Variants in PCDHGA5 observed in about 807,000 individuals in gnomAD.
PCDHGA5 encodes the protein protocadherin gamma subfamily A, 5, also known as protocadherin gamma-A5.
PCDHGA5 carries 36 observed loss-of-function variants against 56.7 expected under a neutral mutation model. The observed-to-expected ratio is 0.64, with a 90% CI of 0.49 to 0.84. The LOEUF is 0.84. Ranked by LOEUF, PCDHGA5 falls within the 40% of genes least tolerant of loss-of-function variation. The probability of loss-of-function intolerance (pLI) is 0.00; values close to 1 mark genes in which losing one functional copy is unlikely to be tolerated. For synonymous variants in PCDHGA5, 563 were observed against 520.2 expected (o/e 1.08, Z -1.12); for missense variants, 1,305 against 1,201.5 (o/e 1.09, Z -1.27).
rs1342517284 is a variant in PCDHGA5 at position 141,383,674 on chromosome 5, A to G, written c.2421+16923A>G. ...TGTCCCCGAGAATGTGCCAGTGGGT[A>G]CAAGACTGCTCACGGTACATGCTAT... On this transcript the variant is annotated intron_variant, in intron 1 of 3. Coordinates refer to ENST00000518069, the MANE Select transcript of PCDHGA5 (RefSeq NM_018918.3). 9.3e-6 allele frequency: 15 copies of G among 1,614,034 alleles called. No individual in the cohort carries two copies. The East Asian group carries it at 3.3e-4, about 36-fold the overall frequency.
At chr5:141,503,309 A>G (rs2099819130) in intron 2 of PCDHGA5, among the ~76,000 whole-genome samples, 1 of 152,034 alleles carries the variant, frequency 6.6e-6, no homozygotes, top group Non-Finnish European at 1.5e-5. Flanking sequence ...TCAAGAAAGA[A>G]TTGTTGGAGG....
intron 1 of PCDHGA5, chr5:141,374,760 C>T (rs1255992375): frequency 6.2e-7 from 1 of 1,613,440 alleles, no homozygotes; most frequent in South Asian, 1.1e-5. Context: ...TCAAGCGTCG[C>T]CCAAATTCTG....
chr5:141,483,257 T>G, intron 1 of PCDHGA5, among the ~76,000 whole-genome samples: 1 of 137,924 alleles, frequency 7.3e-6, no homozygotes, highest in East Asian at 1.9e-4. Flanking sequence ...ATCATGAGGT[T>G]TTTTTGTTTT....
chr5:141,407,959 G>T, intron 1 of PCDHGA5: 1 of 668,062 alleles, frequency 1.5e-6, no homozygotes, highest in South Asian at 2.3e-5. Flanking sequence ...CCAGTGCAGA[G>T]CAAGCGCTGA....
chr5:141,370,997 C>T, intron 1 of PCDHGA5: 5 of 1,613,984 alleles, frequency 3.1e-6, no homozygotes, highest in Non-Finnish European at 4.2e-6. Context: ...CACCCCTGGA[C>T]AGGGAAGAGC....
chr5:141,410,837 TTTTGTC>T, intron 1 of PCDHGA5: 3 of 501,732 alleles, frequency 6.0e-6, no homozygotes. Context: ...ACTGAAGATA[TTTTGTC>T]TTTGTCTTTT....
rs148433768 is a variant in PCDHGA5 at position 141,385,635 on chromosome 5, C to T, written c.2421+18884C>T. 5.7e-6 allele frequency: 5 copies of T among 870,078 alleles called. No homozygotes were observed. The African/African-American group carries it at 8.9e-5, about 15-fold the overall frequency. 53.9% of individuals were successfully genotyped at this position (870,078 alleles called of 1,614,324 possible). A position where few individuals can be genotyped will look rare whatever the true frequency, so the allele number is the denominator to read the frequency against. On this transcript the variant is annotated intron_variant, in intron 1 of 3. Transcript: ENST00000518069. ...TTTTATACATTGGAATGAATCGAGT[C>T]TTTCATATTGCACAAGGTTAGCAGG...
intron 1 of PCDHGA5, chr5:141,422,492 C>A (rs747903569): frequency 2.5e-6 from 4 of 1,613,816 alleles, no homozygotes; most frequent in African/African-American, 2.7e-5. Flanking sequence ...TACAATATAA[C>A]GTTGACAGCC....
chr5:141,445,621 G>A (rs1216813961), intron 1 of PCDHGA5, among the ~76,000 whole-genome samples: 4 of 151,996 alleles, frequency 2.6e-5, no homozygotes, highest in African/African-American at 7.2e-5. Flanking sequence ...TCTTTTTTTC[G>A]GAAAGTGATA....
At chr5:141,371,928 G>C (rs1305933236) in intron 1 of PCDHGA5, 1 of 1,613,350 alleles carries the variant, frequency 6.2e-7, no homozygotes. Flanking sequence ...CGCGCGGAGC[G>C]GGGTGGTGTT....
chr5:141,397,047 G>A (rs180929307), intron 1 of PCDHGA5, among the ~76,000 whole-genome samples: 130 of 152,158 alleles, frequency 8.5e-4, no homozygotes, highest in African/African-American at 2.9e-3. Context: ...TTATGTAAAT[G>A]AACTTATGAG....
At chr5:141,467,348 C>T (rs1182432500) in intron 1 of PCDHGA5, among the ~76,000 whole-genome samples, 5 of 152,142 alleles carry the variant, frequency 3.3e-5, no homozygotes, top group African/African-American at 9.7e-5. Context: ...CCACTGCCCC[C>T]GGCCAAATCA....
chr5:141,375,862 G>A (rs759161440), intron 1 of PCDHGA5: 2 of 1,613,976 alleles, frequency 1.2e-6, no homozygotes, highest in Admixed American at 1.7e-5. Context: ...AGGTGGTGGC[G>A]GTGGACAGAG....
At chr5:141,433,298 A>G in intron 1 of PCDHGA5, 7 of 1,015,894 alleles carry the variant, frequency 6.9e-6, no homozygotes, top group Non-Finnish European at 1.0e-5. Context: ...GGCTCAAGCA[A>G]TTATCCCACC....
chr5:141,443,436 T>A (rs1435598893), intron 1 of PCDHGA5, among the ~76,000 whole-genome samples: 1 of 152,132 alleles, frequency 6.6e-6, no homozygotes, highest in Admixed American at 6.6e-5. Context: ...CAGTGAGCTG[T>A]GGTTGCGCTC....
At chr5:141,408,969 C>G (rs1005367761) in intron 1 of PCDHGA5, 1 of 1,613,594 alleles carries the variant, frequency 6.2e-7, no homozygotes, top group African/African-American at 1.3e-5. Flanking sequence ...GAAAATCTGC[C>G]CCCTGGGTCC....
chr5:141,423,058 A>G (rs1235938743), intron 1 of PCDHGA5: 3 of 1,614,022 alleles, frequency 1.9e-6, no homozygotes, highest in African/African-American at 2.7e-5. Flanking sequence ...TCGCCTGCTT[A>G]AGGCCAGCGA....
intron 1 of PCDHGA5, among the ~76,000 whole-genome samples, chr5:141,453,047 G>A (rs930795400): frequency 1.3e-5 from 2 of 152,172 alleles, no homozygotes; most frequent in African/African-American, 4.8e-5. Context: ...TTTCTATTAT[G>A]TGCAGTTTTA....
intron 1 of PCDHGA5, chr5:141,383,999 C>A: frequency 1.2e-6 from 2 of 1,613,800 alleles, no homozygotes; most frequent in Non-Finnish European, 1.7e-6. Context: ...ACAGTCATTG[C>A]TCTTTTCTAC....
Sources: allele counts gnomAD v4.1 joint callset (sites outside exome capture counted in the v4.1 genomes callset), GRCh38; gene constraint gnomAD v4.1.1; transcripts MANE v1.5; gene names NCBI Gene and HGNC (gene_info 2026-07-23, HGNC 2026-07-21).